The following HECTD3 variants were observed in gnomAD, a reference collection of about 807,000 sequenced individuals.
HECTD3 encodes HECT domain E3 ubiquitin protein ligase 3, also known as E3 ubiquitin-protein ligase HECTD3.
In HECTD3, 72 loss-of-function variants were observed where a neutral mutation model predicts 109.3. The ratio of observed to expected loss-of-function variants is 0.66; its 90% CI spans 0.54 to 0.80. The LOEUF is 0.80. HECTD3 is among the 30% of genes least tolerant of loss of function. The pLI is 0.00. For synonymous variants in HECTD3, 481 were observed against 471.8 expected, an observed-to-expected ratio of 1.02 and a Z score of -0.25; for missense variants, 1,041 against 1,165.2, an observed-to-expected ratio of 0.89 and a Z score of 1.55.
rs1644778406 is a variant in HECTD3, at chr1:45,010,441, G to T, written c.530+105C>A. ...CCCGCCCCTTTCTGCTCTTAACCCTGCCTCCGCTCCAGTATCCCACCCACC... is the reference window on the plus strand; with the variant it reads ...CCCGCCCCTTTCTGCTCTTAACCCTTCCTCCGCTCCAGTATCCCACCCACC... On this transcript the variant is annotated intron_variant, in intron 2 of 20. Coordinates refer to ENST00000372172, the MANE Select transcript of HECTD3 (RefSeq NM_024602.6). The T allele has an allele frequency of 3.3e-6, 5 of 1,514,798 alleles. No homozygotes were observed. The East Asian group carries it at 1.2e-4, about 35-fold the overall frequency. 93.8% of individuals were successfully genotyped at this position (1,514,798 alleles called of 1,614,324 possible). A position where few individuals can be genotyped will look rare whatever the true frequency, so the allele number is the denominator to read the frequency against.
Position 45,006,985 on chromosome 1 carries a change from C to T in HECTD3, c.1587G>A (p.Glu529=), listed in dbSNP as rs1378268442. ...RWPMRYDQWW[E]CKFIAEGIID... ...TGATGCCTTCTGCAATAAATTTACA[C>T]TCCCACCACTGGTCATAGCGCATGG... The change falls in exon 12 of 21, where the codon GAG becomes GAA. Residue 529 remains glutamate (E), a synonymous_variant. Coordinates refer to ENST00000372172, the MANE Select transcript of HECTD3 (RefSeq NM_024602.6). This position sits in a 1 kb window ranked among gnomAD's most constrained non-coding sequence, Gnocchi z 4.7. 1 of 1,614,156 alleles carries T rather than the reference C, an allele frequency of 6.2e-7. No individual in the cohort carries two copies. Among genetic ancestry groups the T allele is most frequent in the Non-Finnish European group, 8.5e-7 (1 of 1,180,030 alleles).
In HECTD3 at chr1:45,006,538, G is replaced by A. The variant is rs1023880032; in HGVS notation, c.1725+154C>T. 1.6e-4 allele frequency among the ~76,000 whole-genome samples: 24 copies of A among 152,060 alleles called. No homozygotes were observed. The highest frequency in any genetic ancestry group is 5.1e-4 in the African/African-American group (21 of 41,480). On this transcript the variant is annotated intron_variant, in intron 13 of 20. Transcript: ENST00000372172. This position sits in a 1 kb window ranked among gnomAD's most constrained non-coding sequence, Gnocchi z 4.7. ...AGGCTGGTCTTGAACTCCTGACCTC[G>A]TGATCTGCCCGCCTCGGCTTCCCAA...
rs1644764445 is a variant in HECTD3, at chr1:45,009,458, G to A, written c.900C>T (p.Thr300=). 1.9e-6 allele frequency: 3 copies of A among 1,613,870 alleles called. No individual in the cohort carries two copies. The South Asian group carries it at 3.3e-5, about 18-fold the overall frequency. ...IVKKLLLTVD[T]TDDNFMPKRV... is the part of the protein sequence containing the mutation. ...GCTTTGGCATAAAGTTGTCATCTGT[G>A]GTATCCACTGTGAGTAGCAGCTTCC... is the stretch of plus-strand genomic sequence containing the variant. Residue 300 remains threonine (T), a synonymous_variant, in exon 6 of 21, where the codon ACC becomes ACT. Coordinates refer to ENST00000372172, the MANE Select transcript of HECTD3 (RefSeq NM_024602.6).
Position 45,004,247 on chromosome 1 carries a change from C to T in HECTD3, c.2272+1G>A. Reference sequence around the variant, plus strand: ...GCCCTGCCCTGCCTTGGGGAACTCACTGAGCTTGCGCAGAGCATCCACAGT... The same window carrying T: ...GCCCTGCCCTGCCTTGGGGAACTCATTGAGCTTGCGCAGAGCATCCACAGT... On this transcript the variant is annotated splice_donor_variant, in intron 17 of 20. Transcript: ENST00000372172. LOFTEE classifies it high-confidence loss of function. The T allele has an allele frequency of 6.2e-7, 1 of 1,614,042 alleles. No homozygotes were observed. The highest frequency in any genetic ancestry group is 8.5e-7 in the Non-Finnish European group (1 of 1,179,894).
chr1:45,005,945 T>G, intron 14 of HECTD3, 52 bp downstream of exon 14: 1 of 1,607,658 alleles, frequency 6.2e-7, no homozygotes, highest in East Asian at 2.2e-5. Context: ...GGCTGGCCTT[T>G]CCTTCCAAGG....
chr1:45,009,547 T>A (rs1644765764), intron 5 of HECTD3, 21 bp downstream of exon 5: 1 of 1,609,784 alleles, frequency 6.2e-7, no homozygotes, highest in Non-Finnish European at 8.5e-7. Flanking sequence ...ACCCACCCTG[T>A]CCTGCCCAGA....
In HECTD3 at chr1:45,005,876, G is replaced by A; in HGVS notation, c.1853C>T (p.Ala618Val). The change falls in exon 15 of 21, where the codon GCC becomes GTC. Residue 618 changes from alanine (A) to valine (V), a missense_variant. This residue lies in a region of HECTD3 where 569 missense variants were observed against 715.3 expected (regional missense o/e 0.80). Transcript: ENST00000372172. ...CTGCTTCCACACAAAACCAGGCAGG[G>A]CCAGGACCTGTGTGACAAACACTCC... is the stretch of plus-strand genomic sequence containing the variant. The part of the protein sequence containing the change: ...ALRGKEFLVL[A>V]LPGFVWKQLS... 6.2e-7 allele frequency: 1 copy of A among 1,606,724 alleles called. No homozygotes were observed. Among genetic ancestry groups the A allele is most frequent in the Non-Finnish European group, 8.5e-7 (1 of 1,176,342 alleles).
chr1:45,007,336 T>C (rs1644745202), intron 10 of HECTD3, 65 bp from the exon 11 acceptor site: 1 of 1,603,102 alleles, frequency 6.2e-7, no homozygotes, highest in Non-Finnish European at 8.5e-7. Context: ...CCCCAAGAAC[T>C]TGTTCAGGTC....
rs779122007 is a variant in HECTD3 at position 45,006,705 on chromosome 1, C to T, written c.1712G>A (p.Arg571His). 22 of 1,611,668 alleles carry T rather than the reference C, an allele frequency of 1.4e-5. No homozygotes were observed. The highest frequency in any genetic ancestry group is 1.6e-5 in the Non-Finnish European group (19 of 1,178,772). Residue 571 changes from arginine to histidine, a missense_variant, in exon 13 of 21, where the codon CGC becomes CAC. By Grantham distance (29) the Arg-to-His change is conservative (BLOSUM62 0). Transcript: ENST00000372172. The surrounding 1 kb of genome is among the most constrained non-coding windows in gnomAD (Gnocchi z 4.7). The part of the protein sequence containing the change: ...DTPVPLPFFV[R>H]TANQGNGTGE... Reference sequence around the variant, plus strand: ...AACGGAGATTACCTGGTTGGCTGTGCGTACAAAGAAGGGCAGGGGCACGGG... The same window carrying T: ...AACGGAGATTACCTGGTTGGCTGTGTGTACAAAGAAGGGCAGGGGCACGGG...
Position 45,010,037 on chromosome 1 carries a change from G to A in HECTD3, c.708C>T (p.Asn236=), listed in dbSNP as rs201251766. The A allele has an allele frequency of 1.6e-4, 245 of 1,562,360 alleles. No individual in the cohort carries two copies. The highest frequency in any genetic ancestry group is 6.9e-4 in the Middle Eastern group (4 of 5,808). The change falls in exon 4 of 21, where the codon AAC becomes AAT. Residue 236 remains asparagine, a synonymous_variant. Coordinates refer to ENST00000372172, the MANE Select transcript of HECTD3 (RefSeq NM_024602.6). ...CCACATACTGCTTCACGCTACCCAG[G>A]TTCTCATCCTCCTTGCCCAGGTGGT... The part of the protein sequence containing the change: ...LYDHLGKEDE[N]LGSVKQYVES...
At position 45,009,187 on chromosome 1, in the gene HECTD3, G is replaced by A. The variant is rs201316167; in HGVS notation, c.1029C>T (p.Thr343=). 1,133 of 1,614,032 alleles carry A rather than the reference G, an allele frequency of 7.0e-4. 12 individuals carry two copies. The Admixed American group carries it at 0.017, about 24-fold the overall frequency. ...IGDVCVLEDM[T]VHLPIIEIRI... is the part of the protein sequence containing the mutation. The stretch of plus-strand genomic sequence containing the variant: ...GGATCTCGATGATCGGGAGGTGGAC[G>A]GTCATGTCCTCCAGGACACAGACAT... Residue 343 remains threonine (T), a synonymous_variant, in exon 7 of 21, where the codon ACC becomes ACT. Coordinates refer to ENST00000372172, the MANE Select transcript of HECTD3 (RefSeq NM_024602.6).
Position 45,004,638 on chromosome 1 carries a change from G to C in HECTD3, c.2104C>G (p.Leu702Val). The C allele has an allele frequency of 6.2e-7, 1 of 1,614,200 alleles. No individual in the cohort carries two copies. Among genetic ancestry groups the C allele is most frequent in the Non-Finnish European group, 8.5e-7 (1 of 1,180,044 alleles). Residue 702 changes from leucine to valine, a missense_variant, in exon 16 of 21, where the codon CTG becomes GTG. By Grantham distance (32) the Leu-to-Val change is conservative. This residue lies in a region of HECTD3 where 569 missense variants were observed against 715.3 expected (regional missense o/e 0.80). Transcript: ENST00000372172. ...TCCTCTAGCCGTGCCTTCTGGACCA[G>C]TTGGATGAAACGAGAACGGTCCCCA... is the stretch of plus-strand genomic sequence containing the variant. ...GYGDRSRFIQ[L>V]VQKARLEESK...
rs1644735158 is a variant in HECTD3, at chr1:45,006,356, A to C, written c.1726-240T>G. 6.1e-6 allele frequency: 3 copies of C among 492,994 alleles called. No individual in the cohort carries two copies. Among genetic ancestry groups the C allele is most frequent in the Admixed American group, 7.1e-5 (2 of 28,092 alleles). The allele number at this position is 492,994 out of a possible 1,614,324, so 30.5% of individuals were successfully genotyped here. Reference sequence around the variant, plus strand: ...AGTCTCACTGTGTCACCCAGGCTGGAGTGCAGTGGCGTGATCTCGGCTCAC... The same window carrying C: ...AGTCTCACTGTGTCACCCAGGCTGGCGTGCAGTGGCGTGATCTCGGCTCAC... On this transcript the variant is annotated intron_variant, in intron 13 of 20. Transcript: ENST00000372172. This position sits in a 1 kb window ranked among gnomAD's most constrained non-coding sequence, Gnocchi z 4.7.
intron 9 of HECTD3, 76 bp from the exon 10 acceptor site, chr1:45,007,671 G>T: frequency 8.2e-7 from 1 of 1,226,782 alleles, no homozygotes; most frequent in Non-Finnish European, 1.2e-6. Flanking sequence ...TTTCCCCTCT[G>T]CCTGTATCCA....
Position 45,003,636 on chromosome 1 carries a change from T to TG in HECTD3, c.2501+32dup, listed in dbSNP as rs1326781725. On this transcript the variant is annotated intron_variant, in intron 20 of 20. Coordinates refer to ENST00000372172, the MANE Select transcript of HECTD3 (RefSeq NM_024602.6). This position sits in a 1 kb window ranked among gnomAD's most constrained non-coding sequence, Gnocchi z 4.7. ...CGCTACCAGGGGTGATGGGGTCCCC[T>TG]GGGCCCCAAATCGAGCCTAGGAAAA... is the stretch of plus-strand genomic sequence containing the variant. The TG allele has an allele frequency of 6.2e-7, 1 of 1,612,726 alleles. No homozygotes were observed. Among genetic ancestry groups the TG allele is most frequent in the African/African-American group, 1.3e-5 (1 of 74,890 alleles).
At chr1:45,008,170 G>T in intron 9 of HECTD3, 70 bp downstream of exon 9, 1 of 1,249,550 alleles carries the variant, frequency 8.0e-7, no homozygotes, top group Non-Finnish European at 1.2e-6. Flanking sequence ...TAGGAACTCT[G>T]CTAAGGAATG....
chr1:45,004,677 T>A lies in HECTD3; in HGVS notation c.2065A>T (p.Ile689Phe). The change falls in exon 16 of 21, where the codon ATC (isoleucine) becomes TTC (phenylalanine). Residue 689 changes from isoleucine (I) to phenylalanine (F), a missense_variant. Coordinates refer to ENST00000372172, the MANE Select transcript of HECTD3 (RefSeq NM_024602.6). ...GAACGGTCCCCATATCCCACGACGA[T>A]GCCTGCACCCCCAGGGATCAGCTCC... ...VVELIPGGAG[I>F]VVGYGDRSRF... 1 of 1,614,194 alleles carries A rather than the reference T, an allele frequency of 6.2e-7. No individual in the cohort carries two copies. Among genetic ancestry groups the A allele is most frequent in the Non-Finnish European group, 8.5e-7 (1 of 1,180,034 alleles).
In HECTD3 at chr1:45,003,192, C is replaced by T; in HGVS notation, c.*300G>A. 2.5e-6 allele frequency: 1 copy of T among 402,602 alleles called. No individual in the cohort carries two copies. Among genetic ancestry groups the T allele is most frequent in the African/African-American group, 2.0e-5 (1 of 50,316 alleles). The allele number at this position is 402,602 out of a possible 1,614,324, so 24.9% of individuals were successfully genotyped here. A position where few individuals can be genotyped will look rare whatever the true frequency, so the allele number is the denominator to read the frequency against. ...GTCCATGGGTTGGGGACCTAGATGG[C>T]CCCCTTCAAGTAGCTCAGGCCTGGC... On this transcript the variant is annotated 3_prime_UTR_variant, in exon 21 of 21. Coordinates refer to ENST00000372172, the MANE Select transcript of HECTD3 (RefSeq NM_024602.6). This position sits in a 1 kb window ranked among gnomAD's most constrained non-coding sequence, Gnocchi z 4.7.
In HECTD3 at chr1:45,007,544, G is replaced by A. The variant is rs1644747504; in HGVS notation, c.1372C>T (p.Gln458Ter). 1.2e-6 allele frequency: 2 copies of A among 1,613,726 alleles called. No homozygotes were observed. Among genetic ancestry groups the A allele is most frequent in the East Asian group, 2.2e-5 (1 of 44,894 alleles). The change falls in exon 10 of 21, where the codon CAG becomes TAG. Residue 458 changes from glutamine to a stop codon, truncating the protein, a stop_gained. Transcript: ENST00000372172. LOFTEE classifies it high-confidence loss of function. ...CTGCTCTCAGAGTCACGCAGGCACT[G>A]AGCCACCAGGCCTGGCCGCTGGCGG... ...LSRQRPGLVA[Q>*]CLRDSESSKP...
Sources: gnomAD v4.1 joint callset for allele counts (sites outside exome capture counted in the v4.1 genomes callset) on GRCh38, gnomAD v4.1.1 for gene constraint, gnomAD v4.1.1 regional missense constraint, Gnocchi (gnomAD v3.1) non-coding constraint, MANE v1.5 for transcripts, NCBI Gene and HGNC (gene_info 2026-07-23, HGNC 2026-07-21) for gene names.